AXDND1: variants seen among roughly 807,000 people sequenced by gnomAD.
AXDND1 encodes the protein axonemal dynein light chain domain-containing protein 1.
Under a neutral mutation model 137.5 loss-of-function variants are expected in AXDND1, and 110 were observed. The ratio of observed to expected loss-of-function variants is 0.80; its 90% CI spans 0.69 to 0.94. The LOEUF (loss-of-function observed/expected upper bound fraction) is 0.94. Among genes scored for constraint, AXDND1 ranks in the 40% least tolerant of loss-of-function variants. The pLI is 0.00. For missense variants in AXDND1, 1,191 were observed against 1,169.8 expected, an observed-to-expected ratio of 1.02 and a Z score of -0.26; for synonymous variants, 414 against 399.7, an observed-to-expected ratio of 1.04 and a Z score of -0.43.
At chr1:179,378,193 C>T (rs533693685) in intron 4 of AXDND1, among the ~76,000 whole-genome samples, 1 of 151,872 alleles carries the variant, frequency 6.6e-6, no homozygotes, top group South Asian at 2.1e-4. Flanking sequence ...ATGATAATAA[C>T]AATCACAACA....
intron 17 of AXDND1, among the ~76,000 whole-genome samples, chr1:179,475,838 C>T (rs776604593): frequency 5.9e-5 from 9 of 152,186 alleles, no homozygotes; most frequent in African/African-American, 9.7e-5. Context: ...CTACCCAAAT[C>T]TCATCTTGAA....
At chr1:179,536,610 C>T (rs150181080) in intron 25 of AXDND1, among the ~76,000 whole-genome samples, 4,741 of 151,474 alleles carry the variant, frequency 0.031, 272 homozygotes, top group African/African-American at 0.11. Flanking sequence ...TTTTGGTTAC[C>T]GTAGCCTTGT....
At chr1:179,459,823 T>C (rs956402284) in intron 16 of AXDND1, among the ~76,000 whole-genome samples, 1 of 143,252 alleles carries the variant, frequency 7.0e-6, no homozygotes, top group Admixed American at 6.9e-5. Context: ...TTCCTTCTCT[T>C]TTTCTTTTCT....
chr1:179,537,991 T>C (rs1671724621), intron 25 of AXDND1, among the ~76,000 whole-genome samples: 1 of 152,250 alleles, frequency 6.6e-6, no homozygotes, highest in African/African-American at 2.4e-5. Flanking sequence ...GAGATGTTTA[T>C]AGTATTGTCT....
intron 22 of AXDND1, 133 bp from the exon 23 acceptor site, chr1:179,528,194 T>G: frequency 1.6e-6 from 1 of 631,794 alleles, no homozygotes; most frequent in Non-Finnish European, 2.8e-6. Flanking sequence ...CTTCAAAAAT[T>G]CTTGTTGTGT....
intron 16 of AXDND1, 115 bp downstream of exon 16, chr1:179,445,319 C>A: frequency 2.5e-6 from 2 of 786,552 alleles, no homozygotes; most frequent in Non-Finnish European, 3.8e-6. Flanking sequence ...GTTTTAAAAA[C>A]CAAGCAAAAT....
intron 25 of AXDND1, among the ~76,000 whole-genome samples, chr1:179,546,864 C>G (rs1203911308): frequency 6.6e-6 from 1 of 152,146 alleles, no homozygotes; most frequent in African/African-American, 2.4e-5. Flanking sequence ...AGGAGATTCT[C>G]CCCTGAGAGA....
intron 9 of AXDND1, among the ~76,000 whole-genome samples, chr1:179,390,077 G>C (rs1649910120): frequency 6.6e-6 from 1 of 151,152 alleles, no homozygotes; most frequent in African/African-American, 2.4e-5. Flanking sequence ...GCAGTGGTGA[G>C]ATCTCTGCTC....
chr1:179,441,879 T>G (rs1447224128), intron 15 of AXDND1, among the ~76,000 whole-genome samples: 1 of 152,224 alleles, frequency 6.6e-6, no homozygotes, highest in South Asian at 2.1e-4. Context: ...ATATCAGATA[T>G]GCGCTAGCAG....
intron 25 of AXDND1, chr1:179,552,430 TAGTC>T: frequency 1.5e-6 from 1 of 649,052 alleles, no homozygotes; most frequent in South Asian, 1.7e-5. Flanking sequence ...GGAGTTGCAT[TAGTC>T]AGGGGACTAT....
At position 179,430,533 on chromosome 1, in the gene AXDND1, C is replaced by T; in HGVS notation, c.1414C>T (p.Gln472Ter). 1 of 1,613,858 alleles carries T rather than the reference C, an allele frequency of 6.2e-7. No homozygotes were observed. Among genetic ancestry groups the T allele is most frequent in the Non-Finnish European group, 8.5e-7 (1 of 1,179,882 alleles). Residue 472 changes from glutamine (Q) to a stop codon, truncating the protein, a stop_gained, in exon 14 of 26, where the codon CAA becomes TAA. Coordinates refer to ENST00000367618, the MANE Select transcript of AXDND1 (RefSeq NM_144696.6). LOFTEE classifies it high-confidence loss of function. ...LVNKLKQEVE[Q>*]MEESTSETLK... ...GAATAAACTTAAACAAGAGGTAGAA[C>T]AAATGGAAGAGTCTACAAGCGAGAC...
At position 179,376,766 on chromosome 1, in the gene AXDND1, A is replaced by G. The variant is rs139270732; in HGVS notation, c.375-1871A>G. On this transcript the variant is annotated intron_variant, in intron 4 of 25. Coordinates refer to ENST00000367618, the MANE Select transcript of AXDND1 (RefSeq NM_144696.6). ...TCCCCTCTATATTGAAGGCTCCCCA[A>G]TGGTAGGGACTGTGTCTATTTTAAG... Among the ~76,000 whole-genome samples, 512 of 152,198 alleles carry G rather than the reference A, an allele frequency of 3.4e-3. 4 individuals are homozygous for G. Among genetic ancestry groups the G allele is most frequent in the African/African-American group, 0.012 (486 of 41,534 alleles).
chr1:179,447,792 G>T, intron 16 of AXDND1: 1 of 1,297,900 alleles, frequency 7.7e-7, no homozygotes, highest in Non-Finnish European at 1.1e-6. Context: ...TCCCCACTGG[G>T]CTGCTTCCAG....
intron 15 of AXDND1, 30 bp downstream of exon 15, chr1:179,432,372 T>C (rs2125316689): frequency 6.5e-7 from 1 of 1,526,858 alleles, no homozygotes; most frequent in East Asian, 2.3e-5. Context: ...AGCTTGGCAA[T>C]CAAAGTGCTG....
intron 21 of AXDND1, among the ~76,000 whole-genome samples, chr1:179,521,945 T>G (rs1423073857): frequency 6.6e-6 from 1 of 152,130 alleles, no homozygotes; most frequent in Non-Finnish European, 1.5e-5. Context: ...GTCGTCTTTT[T>G]GTCTTTGCTC....
intron 17 of AXDND1, among the ~76,000 whole-genome samples, chr1:179,476,611 G>A (rs577488483): frequency 2.6e-5 from 4 of 152,002 alleles, no homozygotes; most frequent in South Asian, 4.1e-4. Context: ...TGGAACACAT[G>A]TTTGTTGGAT....
At chr1:179,476,676 C>T (rs1229298496) in intron 17 of AXDND1, among the ~76,000 whole-genome samples, 1 of 151,994 alleles carries the variant, frequency 6.6e-6, no homozygotes, top group East Asian at 1.9e-4. Context: ...ATATGTTATC[C>T]CACTGCTTTT....
At chr1:179,481,917 CT>C (rs779709061) in intron 17 of AXDND1, among the ~76,000 whole-genome samples, 2 of 152,048 alleles carry the variant, frequency 1.3e-5, no homozygotes, top group Non-Finnish European at 2.9e-5. Context: ...TTCTAGTTGT[CT>C]TAGTGCCTGG....
At chr1:179,443,820 A>T (rs10913763) in intron 15 of AXDND1, among the ~76,000 whole-genome samples, 1 of 152,064 alleles carries the variant, frequency 6.6e-6, no homozygotes, top group Admixed American at 6.5e-5. Context: ...TTAAGGGGTC[A>T]GAGCTTGGAA....
Sources: gnomAD v4.1 joint callset for allele counts (sites outside exome capture counted in the v4.1 genomes callset) on GRCh38, gnomAD v4.1.1 for gene constraint, MANE v1.5 for transcripts, NCBI Gene and HGNC (gene_info 2026-07-23, HGNC 2026-07-21) for gene names.